SLC9A9: variants seen among roughly 807,000 people sequenced by gnomAD.
SLC9A9 encodes the protein sodium/hydrogen exchanger 9.
Under a neutral mutation model 77.8 loss-of-function variants are expected in SLC9A9, and 62 were observed. The ratio of observed to expected loss-of-function variants is 0.80; its 90% CI spans 0.65 to 0.98. SLC9A9 has a LOEUF of 0.98. Among genes scored for constraint, SLC9A9 ranks in the 50% least tolerant of loss-of-function variants. The pLI is 0.00. For missense variants in SLC9A9, 775 were observed against 774.9 expected, an observed-to-expected ratio of 1.00 and a Z score of 0.00; for synonymous variants, 320 against 283.5, an observed-to-expected ratio of 1.13 and a Z score of -1.29.
At chr3:143,828,770 CT>C (rs2009364224) in intron 2 of SLC9A9, among the ~76,000 whole-genome samples, 1 of 152,146 alleles carries the variant, frequency 6.6e-6, no homozygotes. Flanking sequence ...GAAAAAAGTT[CT>C]TGTTGTGTTG....
chr3:143,682,185 T>C (rs1933122992), intron 5 of SLC9A9, among the ~76,000 whole-genome samples: 1 of 152,140 alleles, frequency 6.6e-6, no homozygotes, highest in Admixed American at 6.6e-5. Flanking sequence ...TCAGATAAAT[T>C]ACAGTAATAA....
intron 6 of SLC9A9, among the ~76,000 whole-genome samples, chr3:143,638,229 T>A (rs1047391363): frequency 2.2e-4 from 34 of 152,218 alleles, no homozygotes; most frequent in Non-Finnish European, 4.4e-4. Context: ...AAATATAGCA[T>A]GCTCACCTTA....
intron 14 of SLC9A9, among the ~76,000 whole-genome samples, chr3:143,278,562 G>A (rs1344516866): frequency 1.3e-5 from 2 of 152,136 alleles, no homozygotes; most frequent in African/African-American, 2.4e-5. Flanking sequence ...GCAATCCTTG[G>A]TGTTCCCTGG....
At chr3:143,481,601 G>T (rs954083096) in intron 11 of SLC9A9, among the ~76,000 whole-genome samples, 4 of 152,208 alleles carry the variant, frequency 2.6e-5, no homozygotes, top group Non-Finnish European at 5.9e-5. Context: ...GAAAAACCAT[G>T]AATTGAGATT....
chr3:143,616,973 C>T (rs1344363218), intron 6 of SLC9A9, among the ~76,000 whole-genome samples: 2 of 151,750 alleles, frequency 1.3e-5, no homozygotes, highest in Non-Finnish European at 2.9e-5. Context: ...AGAGAAAGCA[C>T]AGTGTGATAA....
In SLC9A9 at chr3:143,693,157, CT is replaced by C. The variant is rs1933528311; in HGVS notation, c.649+34del. Reference sequence around the variant, plus strand: ...AAACATTCAATTTAAATGTTTGATTCTTAAAAGAAGAAAATATATTATTTGA... The same window carrying C: ...AAACATTCAATTTAAATGTTTGATTCTAAAAGAAGAAAATATATTATTTGA... On this transcript the variant is annotated intron_variant, in intron 5 of 15. Transcript: ENST00000316549. 2.0e-6 allele frequency: 3 copies of C among 1,511,580 alleles called. No homozygotes were observed. In the African/African-American group the frequency reaches 4.2e-5, roughly 21 times the overall value. The allele number at this position is 1,511,580 out of a possible 1,614,324, so 93.6% of individuals were successfully genotyped here.
chr3:143,601,000 T>C (rs11712583), intron 6 of SLC9A9, among the ~76,000 whole-genome samples: 93,886 of 152,064 alleles, frequency 0.62, 29,368 homozygotes, highest in African/African-American at 0.73. Context: ...AGCGGAAATG[T>C]TGCAAGTGTA....
chr3:143,780,445 G>C (rs978527566), intron 4 of SLC9A9, among the ~76,000 whole-genome samples: 1 of 152,170 alleles, frequency 6.6e-6, no homozygotes, highest in Non-Finnish European at 1.5e-5. Context: ...GTCAATTGGG[G>C]ATTGATGATA....
chr3:143,506,149 A>G (rs2036013490), intron 9 of SLC9A9, among the ~76,000 whole-genome samples: 1 of 152,248 alleles, frequency 6.6e-6, no homozygotes, highest in South Asian at 2.1e-4. Flanking sequence ...GATTGACCTT[A>G]GATCCATTTT....
intron 12 of SLC9A9, among the ~76,000 whole-genome samples, chr3:143,391,463 T>G (rs1245673295): frequency 6.6e-6 from 1 of 152,092 alleles, no homozygotes; most frequent in Non-Finnish European, 1.5e-5. Flanking sequence ...GTCACCATCA[T>G]CAAACACCAA....
At chr3:143,776,088 T>C (rs2007680243) in intron 4 of SLC9A9, among the ~76,000 whole-genome samples, 2 of 152,314 alleles carry the variant, frequency 1.3e-5, no homozygotes, top group South Asian at 4.1e-4. Context: ...AAATAAAATA[T>C]ATTACCCTCA....
chr3:143,669,341 T>C (rs978887409), intron 5 of SLC9A9, among the ~76,000 whole-genome samples: 1 of 152,232 alleles, frequency 6.6e-6, no homozygotes. Context: ...TTACTGAGAA[T>C]AAACTGCTTT....
intron 9 of SLC9A9, among the ~76,000 whole-genome samples, chr3:143,524,430 T>C (rs566803834): frequency 6.6e-6 from 1 of 152,100 alleles, no homozygotes; most frequent in Non-Finnish European, 1.5e-5. Context: ...GAATAGAGAA[T>C]ATGCAGAGAG....
chr3:143,466,959 A>G, intron 12 of SLC9A9, 78 bp downstream of exon 12: 12 of 1,542,264 alleles, frequency 7.8e-6, no homozygotes, highest in Non-Finnish European at 1.1e-5. Context: ...TGTACTATTG[A>G]CTAAGTCAGC....
intron 2 of SLC9A9, among the ~76,000 whole-genome samples, chr3:143,817,394 C>G (rs113536120): frequency 2.6e-5 from 4 of 151,044 alleles, no homozygotes; most frequent in Non-Finnish European, 5.9e-5. Flanking sequence ...ATGATCCACC[C>G]GCCTCGGCCT....
At chr3:143,413,040 G>A (rs139181735) in intron 12 of SLC9A9, among the ~76,000 whole-genome samples, 6 of 152,282 alleles carry the variant, frequency 3.9e-5, no homozygotes, top group African/African-American at 7.2e-5. Flanking sequence ...TACAGAAAAC[G>A]CCTCTGAATC....
intron 2 of SLC9A9, among the ~76,000 whole-genome samples, chr3:143,827,073 GA>G (rs2009318580): frequency 6.6e-6 from 1 of 152,182 alleles, no homozygotes; most frequent in African/African-American, 2.4e-5. Flanking sequence ...GTATGAAACA[GA>G]AAGTTATTTT....
intron 14 of SLC9A9, among the ~76,000 whole-genome samples, chr3:143,308,073 CT>C (rs2030869990): frequency 2.6e-5 from 4 of 152,194 alleles, no homozygotes; most frequent in African/African-American, 9.7e-5. Context: ...CACTTAACCA[CT>C]ATGGTAGCTG....
intron 14 of SLC9A9, among the ~76,000 whole-genome samples, chr3:143,322,125 T>A (rs1432494135): frequency 6.6e-6 from 1 of 152,236 alleles, no homozygotes; most frequent in African/African-American, 2.4e-5. Context: ...TTCGCCAGTG[T>A]GATTATTAAT....
Sources: allele counts gnomAD v4.1 joint callset (sites outside exome capture counted in the v4.1 genomes callset), GRCh38; gene constraint gnomAD v4.1.1; transcripts MANE v1.5; gene names NCBI Gene and HGNC (gene_info 2026-07-23, HGNC 2026-07-21).